The following POLH variants were observed in gnomAD, a reference collection of about 807,000 sequenced individuals.
POLH encodes DNA polymerase eta transcript.
A neutral mutation model predicts 73.6 loss-of-function variants in POLH; 53 were observed. The ratio of observed to expected loss-of-function variants is 0.72; its 90% CI spans 0.58 to 0.91. The LOEUF (loss-of-function observed/expected upper bound fraction) is 0.91, where lower values mean the gene tolerates loss of function less well. Ranked by LOEUF, POLH falls within the 40% of genes least tolerant of loss-of-function variation. The pLI, the probability that POLH is intolerant of heterozygous loss-of-function variation, is 0.00. For missense variants in POLH, 768 were observed against 865.4 expected (o/e 0.89, Z 1.41); for synonymous variants, 292 against 308.5 (o/e 0.95, Z 0.56).
intron 6 of POLH, among the ~76,000 whole-genome samples, chr6:43,603,162 C>G (rs1004563154): frequency 2.6e-5 from 4 of 151,410 alleles, no homozygotes; most frequent in African/African-American, 7.3e-5. Context: ...CCACCATGCC[C>G]AGTTAATTTG....
At chr6:43,598,650 AAAAG>A (rs1002951885) in intron 5 of POLH, among the ~76,000 whole-genome samples, 95 of 152,192 alleles carry the variant, frequency 6.2e-4, no homozygotes, top group East Asian at 4.4e-3. Context: ...AAAAAAAAGA[AAAAG>A]AAAAGAAAAA....
At position 43,614,601 on chromosome 6, in the gene POLH, T is replaced by G. The variant is rs1768202913; in HGVS notation, c.*44T>G. On this transcript the variant is annotated 3_prime_UTR_variant, in exon 11 of 11. Transcript: ENST00000372236. ...CTGTAGGATTTAATATTTTTTATCT[T>G]TACAGATCTTTATCTTTAATATTTT... 1 of 1,458,068 alleles carries G rather than the reference T, an allele frequency of 6.9e-7. No individual in the cohort carries two copies. 90.3% of individuals were successfully genotyped at this position (1,458,068 alleles called of 1,614,324 possible).
chr6:43,587,115 C>T (rs188771895), intron 3 of POLH, among the ~76,000 whole-genome samples, 157 bp from the exon 4 acceptor site: 18 of 152,256 alleles, frequency 1.2e-4, no homozygotes, highest in Non-Finnish European at 2.1e-4. Flanking sequence ...ATCTGCCTGC[C>T]GATTGACCCT....
At chr6:43,583,680 A>G (rs2127774513) in intron 3 of POLH, among the ~76,000 whole-genome samples, 1 of 152,352 alleles carries the variant, frequency 6.6e-6, no homozygotes, top group Admixed American at 6.5e-5. Flanking sequence ...CTTTAATCCT[A>G]ACAGCTAATA....
chr6:43,610,809 A>G (rs1767808721), intron 10 of POLH, 86 bp downstream of exon 10: 5 of 1,167,620 alleles, frequency 4.3e-6, no homozygotes, highest in Non-Finnish European at 6.2e-6. Context: ...TTTTATCATA[A>G]AGTTCCTCAT....
chr6:43,594,312 G>A (rs1413465761), intron 4 of POLH, among the ~76,000 whole-genome samples: 2 of 152,034 alleles, frequency 1.3e-5, no homozygotes, highest in Non-Finnish European at 2.9e-5. Context: ...AATGATGGAT[G>A]TTTTAATAGT....
intron 4 of POLH, among the ~76,000 whole-genome samples, chr6:43,595,497 C>T (rs1765945685): frequency 6.6e-6 from 1 of 151,784 alleles, no homozygotes; most frequent in African/African-American, 2.4e-5. Context: ...CCTATAATCC[C>T]AGCACTTTGG....
intron 1 of POLH, 111 bp from the exon 2 acceptor site, chr6:43,582,205 T>TCCATGCTC (rs1764358254): frequency 9.1e-6 from 9 of 992,498 alleles, no homozygotes; most frequent in Non-Finnish European, 1.5e-5. Flanking sequence ...CTTGTTAGTT[T>TCCATGCTC]CCATGCTCCC....
At chr6:43,607,118 C>T (rs774144630) in intron 9 of POLH, among the ~76,000 whole-genome samples, 8 of 152,146 alleles carry the variant, frequency 5.3e-5, no homozygotes, top group African/African-American at 2.4e-5. Context: ...TTTTTTGAGA[C>T]GGAGTCTCGC....
At chr6:43,606,564 G>A (rs1408639068) in intron 9 of POLH, among the ~76,000 whole-genome samples, 1 of 152,002 alleles carries the variant, frequency 6.6e-6, no homozygotes, top group Non-Finnish European at 1.5e-5. Context: ...GAGTAACCGG[G>A]ATTACAGGTA....
intron 4 of POLH, among the ~76,000 whole-genome samples, chr6:43,589,160 C>T (rs551534398): frequency 6.6e-6 from 1 of 152,200 alleles, no homozygotes; most frequent in East Asian, 1.9e-4. Context: ...CTTAATTTTC[C>T]TTCAGTAATG....
Position 43,614,330 on chromosome 6 carries a change from G to A in POLH, c.1915G>A (p.Gly639Ser). The A allele has an allele frequency of 3.1e-6, 5 of 1,605,218 alleles. No individual in the cohort carries two copies. Among genetic ancestry groups the A allele is most frequent in the Non-Finnish European group, 4.3e-6 (5 of 1,173,526 alleles). Reference protein sequence around the residue: ...AEDQVPCEKCGSLVPVWDMPE... With the variant: ...AEDQVPCEKCSSLVPVWDMPE... ...GGACCAAGTGCCCTGTGAGAAGTGT[G>A]GCTCCCTGGTACCGGTATGGGATAT... Residue 639 changes from glycine to serine, a missense_variant, in exon 11 of 11, where the codon GGC becomes AGC. Gly to Ser is a moderately conservative substitution (Grantham distance 56). Coordinates refer to ENST00000372236, the MANE Select transcript of POLH (RefSeq NM_006502.3).
At chr6:43,605,406 GA>G in intron 9 of POLH, 87 bp downstream of exon 9, 1 of 587,032 alleles carries the variant, frequency 1.7e-6, no homozygotes. Flanking sequence ...AACAAAGACA[GA>G]AAAAAGTATT....
At chr6:43,592,536 C>T (rs1205192023) in intron 4 of POLH, among the ~76,000 whole-genome samples, 2 of 151,812 alleles carry the variant, frequency 1.3e-5, no homozygotes, top group South Asian at 4.2e-4. Context: ...CTCAGCCTCC[C>T]GAGTAGCTGG....
chr6:43,616,693 A>C lies in POLH; in HGVS notation c.*2136A>C, dbSNP rs994715536. Among the ~76,000 whole-genome samples, 1 of 152,214 alleles carries C rather than the reference A, an allele frequency of 6.6e-6. No homozygotes were observed. The highest frequency in any genetic ancestry group is 2.4e-5 in the African/African-American group (1 of 41,452). On this transcript the variant is annotated 3_prime_UTR_variant, in exon 11 of 11. Coordinates refer to ENST00000372236, the MANE Select transcript of POLH (RefSeq NM_006502.3). ...TTTTCAGCTGAAGAATGTGAGATGA[A>C]GCCTTGAAACCCTAAAAGTGATATG... is the stretch of plus-strand genomic sequence containing the variant.
At chr6:43,578,650 TTAAG>T (rs1442305593) in intron 1 of POLH, among the ~76,000 whole-genome samples, 2 of 152,190 alleles carry the variant, frequency 1.3e-5, no homozygotes, top group Non-Finnish European at 2.9e-5. Flanking sequence ...GGTAATTGTG[TTAAG>T]TAAGATGTTA....
At position 43,614,133 on chromosome 6, in the gene POLH, G is replaced by A. The variant is rs376174361; in HGVS notation, c.1718G>A (p.Gly573Glu). The A allele has an allele frequency of 6.2e-7, 1 of 1,614,178 alleles. No individual in the cohort carries two copies. The highest frequency in any genetic ancestry group is 1.1e-5 in the South Asian group (1 of 91,080). ...LPNSLPTEYP[G>E]CVPVCEGVSK... is the part of the protein sequence containing the mutation. ...AACTCTTTACCAACAGAGTATCCAGGGTGTGTCCCTGTTTGTGAAGGGGTG... is the reference window on the plus strand; with the variant it reads ...AACTCTTTACCAACAGAGTATCCAGAGTGTGTCCCTGTTTGTGAAGGGGTG... The change falls in exon 11 of 11, where the codon GGG becomes GAG. Residue 573 changes from glycine to glutamate, a missense_variant. By Grantham distance (98) the Gly-to-Glu change is moderately conservative (BLOSUM62 -2). Transcript: ENST00000372236.
In POLH at chr6:43,617,752, AC is replaced by A. The variant is rs1454156037; in HGVS notation, c.*3199del. ...AGGCCATCCTGGCCAACATGGTGAAACCCCGTCTCTACTGAAAATACAACTG... is the reference window on the plus strand; with the variant it reads ...AGGCCATCCTGGCCAACATGGTGAAACCCGTCTCTACTGAAAATACAACTG... On this transcript the variant is annotated 3_prime_UTR_variant, in exon 11 of 11. Transcript: ENST00000372236. Among the ~76,000 whole-genome samples the A allele has an allele frequency of 6.6e-6, 1 of 151,794 alleles. No homozygotes were observed. The highest frequency in any genetic ancestry group is 1.5e-5 in the Non-Finnish European group (1 of 67,968).
chr6:43,582,535 T>C, intron 2 of POLH, 79 bp downstream of exon 2: 1 of 1,391,518 alleles, frequency 7.2e-7, no homozygotes. Context: ...GTTGTGGTGG[T>C]GGTGGTGGTG....
Sources: gnomAD v4.1 joint callset for allele counts (sites outside exome capture counted in the v4.1 genomes callset) on GRCh38, gnomAD v4.1.1 for gene constraint, MANE v1.5 for transcripts, NCBI Gene and HGNC (gene_info 2026-07-23, HGNC 2026-07-21) for gene names.